Variants in RAP1GAP2 observed in about 807,000 individuals in gnomAD.
RAP1GAP2 encodes the protein RAP1 GTPase activating protein 2.
RAP1GAP2 carries 27 observed loss-of-function variants against 95.0 expected under a neutral mutation model. That is an observed-to-expected ratio of 0.28 (90% CI 0.21 to 0.39). The LOEUF is 0.39. RAP1GAP2 is among the 10% of genes least tolerant of loss of function. The pLI, the probability that RAP1GAP2 is intolerant of heterozygous loss-of-function variation, is 1.00. For synonymous variants in RAP1GAP2, 373 were observed against 380.9 expected (o/e 0.98, Z 0.24); for missense variants, 771 against 970.0 (o/e 0.79, Z 2.72).
At chr17:2,772,441 C>A (rs1216262470), upstream of RAP1GAP2, among the ~76,000 whole-genome samples, 1 of 152,058 alleles carries the variant, frequency 6.6e-6, no homozygotes, top group Non-Finnish European at 1.5e-5. Context: ...CATGCACCAC[C>A]TTGCATGGCT....
At chr17:3,024,923 A>G (rs930112133) in intron 19 of RAP1GAP2, among the ~76,000 whole-genome samples, 1 of 152,198 alleles carries the variant, frequency 6.6e-6, no homozygotes, top group Admixed American at 6.5e-5. Context: ...GTGATTACAA[A>G]TGGGTCCAGT....
In RAP1GAP2 at chr17:3,029,208, T is replaced by A. The variant is rs1216758906; in HGVS notation, c.2108-1714T>A. Among the ~76,000 whole-genome samples the A allele has an allele frequency of 1.3e-5, 2 of 152,102 alleles. No homozygotes were observed. Among genetic ancestry groups the A allele is most frequent in the Non-Finnish European group, 2.9e-5 (2 of 68,018 alleles). ...GCCCCCACTTGGTGTTAAATAAACG[T>A]CAAAGTAAGGAAGGTTTTGAGTAAA... On this transcript the variant is annotated intron_variant, in intron 22 of 24. Transcript: ENST00000254695. The surrounding 1 kb of genome is among the most constrained non-coding windows in gnomAD (Gnocchi z 4.4).
intron 16 of RAP1GAP2, among the ~76,000 whole-genome samples, chr17:3,007,090 C>T (rs775875730): frequency 5.3e-5 from 8 of 151,950 alleles, no homozygotes; most frequent in Non-Finnish European, 1.5e-5. Context: ...ACAGCATGAG[C>T]AAAGGTCAGG....
intron 17 of RAP1GAP2, among the ~76,000 whole-genome samples, chr17:3,012,740 T>C (rs1396780787): frequency 6.7e-6 from 1 of 150,312 alleles, no homozygotes; most frequent in African/African-American, 2.5e-5. Context: ...GCCACTGGGG[T>C]TGGGGGTCTG....
At position 2,764,811 on chromosome 17, in the gene RAP1GAP2, A is replaced by G. The variant is rs368654648; in HGVS notation, c.51-5518A>G. Among the ~76,000 whole-genome samples the G allele has an allele frequency of 4.6e-5, 7 of 152,222 alleles. No individual in the cohort carries two copies. In the East Asian group the frequency reaches 9.6e-4, roughly 21 times the overall value. On this transcript the variant is annotated intron_variant, in intron 1 of 25. Coordinates refer to the RAP1GAP2 transcript ENST00000637138. Reference sequence around the variant, plus strand: ...CAATATAGTCACATGGTTCTCATTCAAAAGGGTCTAAAGCAGTGACAGGGC... The same window carrying G: ...CAATATAGTCACATGGTTCTCATTCGAAAGGGTCTAAAGCAGTGACAGGGC...
rs1202924134 is a variant in RAP1GAP2, at chr17:2,863,722, G to A, written c.81-41562G>A. Among the ~76,000 whole-genome samples, 3 of 152,130 alleles carry A rather than the reference G, an allele frequency of 2.0e-5. No homozygotes were observed. In the East Asian group the frequency reaches 5.8e-4, roughly 29 times the overall value. ...ACCCCATAAGGGAGGCATCTCTCTTGTCTTTGGTTGATGGATGGGGCTGAG... is the reference window on the plus strand; with the variant it reads ...ACCCCATAAGGGAGGCATCTCTCTTATCTTTGGTTGATGGATGGGGCTGAG... On this transcript the variant is annotated intron_variant, in intron 2 of 24. Coordinates refer to ENST00000254695, the MANE Select transcript of RAP1GAP2 (RefSeq NM_015085.5).
intron 2 of RAP1GAP2, among the ~76,000 whole-genome samples, chr17:2,845,618 T>C (rs111815431): frequency 0.16 from 24,435 of 151,924 alleles, 2,057 homozygotes; most frequent in East Asian, 0.18. Context: ...ATCCCAGCAC[T>C]TTGAGAGGCT....
rs115592583 is a variant in RAP1GAP2 at position 2,922,163 on chromosome 17, C to T, written c.165+16795C>T. Among the ~76,000 whole-genome samples the T allele has an allele frequency of 5.8e-3, 889 of 152,344 alleles. 8 individuals are homozygous for T. Among genetic ancestry groups the T allele is most frequent in the African/African-American group, 0.016 (664 of 41,576 alleles). ...AGACCCACTGTCTGATGAAGGCCCA[C>T]GTTCTGCGTCTAAGATGACACCTTC... On this transcript the variant is annotated intron_variant, in intron 3 of 24. Coordinates refer to ENST00000254695, the MANE Select transcript of RAP1GAP2 (RefSeq NM_015085.5).
At chr17:2,768,322 G>A (rs2068315715) in intron 1 of RAP1GAP2, among the ~76,000 whole-genome samples, 1 of 152,174 alleles carries the variant, frequency 6.6e-6, no homozygotes, top group South Asian at 2.1e-4. Context: ...GTATTTATGT[G>A]ATTATTGTAT....
At chr17:2,776,375 T>G (rs2068499184), upstream of RAP1GAP2, among the ~76,000 whole-genome samples, 1 of 152,126 alleles carries the variant, frequency 6.6e-6, no homozygotes, top group African/African-American at 2.4e-5. Flanking sequence ...TTGCCCCCAT[T>G]GCCCCCATTG....
At chr17:2,938,059 G>A (rs2043357131) in intron 3 of RAP1GAP2, among the ~76,000 whole-genome samples, 1 of 152,204 alleles carries the variant, frequency 6.6e-6, no homozygotes, top group Admixed American at 6.5e-5. Flanking sequence ...CGAGCACGGA[G>A]CCAGGGCTGG....
intron 17 of RAP1GAP2, among the ~76,000 whole-genome samples, chr17:3,012,184 A>G (rs2046571010): frequency 6.6e-6 from 1 of 152,170 alleles, no homozygotes; most frequent in Admixed American, 6.5e-5. Context: ...GAGACACAGA[A>G]CAGTTGGCTT....
chr17:2,877,771 A>G (rs746483206), intron 2 of RAP1GAP2, among the ~76,000 whole-genome samples: 2 of 152,184 alleles, frequency 1.3e-5, no homozygotes, highest in Non-Finnish European at 2.9e-5. Context: ...GTTTTAGTGA[A>G]TGAATGCTTG....
chr17:2,864,252 GAC>G (rs2072532783), intron 2 of RAP1GAP2, among the ~76,000 whole-genome samples: 1 of 152,200 alleles, frequency 6.6e-6, no homozygotes, highest in Non-Finnish European at 1.5e-5. Context: ...CTCTGGACCA[GAC>G]ACAGTCCTAG....
intron 2 of RAP1GAP2, among the ~76,000 whole-genome samples, chr17:2,859,056 A>T (rs1306651316): frequency 2.6e-5 from 4 of 152,040 alleles, no homozygotes; most frequent in Non-Finnish European, 5.9e-5. Flanking sequence ...CAGAATTCAA[A>T]CAATACTATG....
At chr17:2,859,031 A>G (rs567293791) in intron 2 of RAP1GAP2, among the ~76,000 whole-genome samples, 1 of 152,280 alleles carries the variant, frequency 6.6e-6, no homozygotes, top group East Asian at 1.9e-4. Flanking sequence ...AAAGTTTTCA[A>G]AAGTTTTTTT....
chr17:2,962,529 G>A, intron 4 of RAP1GAP2, 141 bp from the exon 5 acceptor site: 2 of 839,360 alleles, frequency 2.4e-6, no homozygotes, highest in Admixed American at 3.1e-5. Context: ...CCCTGGCCAG[G>A]TGTGATGTGT....
intron 2 of RAP1GAP2, among the ~76,000 whole-genome samples, chr17:2,891,809 C>CTTTT (rs1488865061): frequency 1.7e-4 from 10 of 58,022 alleles, no homozygotes; most frequent in Admixed American, 3.6e-4. Flanking sequence ...ATTCATATTT[C>CTTTT]TTTTCTTTTT....
chr17:2,863,677 G>A (rs1256373827), intron 2 of RAP1GAP2, among the ~76,000 whole-genome samples: 1 of 152,164 alleles, frequency 6.6e-6, no homozygotes, highest in Non-Finnish European at 1.5e-5. Flanking sequence ...TTACTCTGGA[G>A]GGTAAAGCAA....
Sources: allele counts gnomAD v4.1 joint callset (sites outside exome capture counted in the v4.1 genomes callset), GRCh38; gene constraint gnomAD v4.1.1; non-coding constraint Gnocchi (gnomAD v3.1); transcripts MANE v1.5; gene names NCBI Gene and HGNC (gene_info 2026-07-23, HGNC 2026-07-21).